Variants in PCDH17 observed in about 807,000 individuals in gnomAD.
The protein encoded by PCDH17 is protocadherin 17.
A neutral mutation model predicts 67.7 loss-of-function variants in PCDH17; 21 were observed. That is an observed-to-expected ratio of 0.31 (90% CI 0.22 to 0.45). The LOEUF is 0.45. Ranked by LOEUF, PCDH17 falls within the 20% of genes least tolerant of loss-of-function variation. The pLI, the probability that PCDH17 is intolerant of heterozygous loss-of-function variation, is 1.00. For missense variants in PCDH17, 1,471 were observed against 1,564.8 expected, an observed-to-expected ratio of 0.94 and a Z score of 1.01; for synonymous variants, 701 against 656.7, an observed-to-expected ratio of 1.07 and a Z score of -1.03.
intron 1 of PCDH17, among the ~76,000 whole-genome samples, chr13:57,653,929 A>G (rs1350575312): frequency 3.9e-5 from 6 of 152,192 alleles, no homozygotes; most frequent in Non-Finnish European, 5.9e-5. Context: ...CTAACACTGC[A>G]GTCCACTTAA....
At chr13:57,691,952 A>T (rs369462165) in intron 3 of PCDH17, among the ~76,000 whole-genome samples, 3 of 151,346 alleles carry the variant, frequency 2.0e-5, no homozygotes, top group African/African-American at 7.2e-5. Context: ...TTGAAATTAT[A>T]CTAGAGCTTA....
intron 1 of PCDH17, among the ~76,000 whole-genome samples, chr13:57,641,058 G>T (rs145592944): frequency 6.6e-6 from 1 of 152,040 alleles, no homozygotes; most frequent in Non-Finnish European, 1.5e-5. Flanking sequence ...ATATTAGTTA[G>T]AGAATAGCAT....
intron 1 of PCDH17, among the ~76,000 whole-genome samples, chr13:57,664,952 A>C (rs915464887): frequency 2.6e-5 from 4 of 152,194 alleles, no homozygotes; most frequent in African/African-American, 9.6e-5. Flanking sequence ...GCTTCACTGA[A>C]TCTAGAAATT....
chr13:57,673,730 T>G (rs1955353733), intron 3 of PCDH17, among the ~76,000 whole-genome samples: 1 of 152,002 alleles, frequency 6.6e-6, no homozygotes, highest in African/African-American at 2.4e-5. Flanking sequence ...ACTGTTGTTT[T>G]CACATAGATG....
intron 1 of PCDH17, among the ~76,000 whole-genome samples, chr13:57,657,289 T>G (rs941264621): frequency 2.6e-5 from 4 of 152,188 alleles, no homozygotes; most frequent in Admixed American, 2.0e-4. Flanking sequence ...GGAATGCTGG[T>G]TTTTGCTCAA....
At position 57,634,904 on chromosome 13, in the gene PCDH17, G is replaced by A; in HGVS notation, c.2358G>A (p.Val786=). 1.2e-6 allele frequency: 2 copies of A among 1,613,990 alleles called. No individual in the cohort carries two copies. The highest frequency in any genetic ancestry group is 1.7e-6 in the Non-Finnish European group (2 of 1,179,998). ...ACGCCATGAACGTCATGAACGTGGTGAGCAGCCCCTCCCTGGCCACCTCCC... is the reference window on the plus strand; with the variant it reads ...ACGCCATGAACGTCATGAACGTGGTAAGCAGCCCCTCCCTGGCCACCTCCC... ...ERNAMNVMNV[V]SSPSLATSPM... is the part of the protein sequence containing the mutation. The change falls in exon 1 of 4, where the codon GTG becomes GTA. Residue 786 remains valine, a synonymous_variant. Coordinates refer to ENST00000377918, the MANE Select transcript of PCDH17 (RefSeq NM_001040429.3). This position sits in a 1 kb window ranked among gnomAD's most constrained non-coding sequence, Gnocchi z 7.8.
chr13:57,713,790 TTTTTG>T (rs1020571346), intron 3 of PCDH17, among the ~76,000 whole-genome samples: 1 of 151,640 alleles, frequency 6.6e-6, no homozygotes, highest in African/African-American at 2.4e-5. Flanking sequence ...AGTTTTTACA[TTTTTG>T]TTATATAAGT....
intron 3 of PCDH17, among the ~76,000 whole-genome samples, chr13:57,674,243 C>T (rs1023629416): frequency 4.6e-5 from 7 of 151,932 alleles, no homozygotes; most frequent in Admixed American, 1.3e-4. Context: ...TTGTATCTTT[C>T]AAGTAAATAT....
chr13:57,676,363 A>G (rs183359445), intron 3 of PCDH17, among the ~76,000 whole-genome samples: 3 of 151,976 alleles, frequency 2.0e-5, no homozygotes, highest in Admixed American at 2.0e-4. Flanking sequence ...GCAGTTTACT[A>G]AGGTGGTGAA....
Position 57,727,444 on chromosome 13 carries a change from CTT to C in PCDH17, c.*2151_*2152del, listed in dbSNP as rs1955923641. On this transcript the variant is annotated 3_prime_UTR_variant, in exon 4 of 4. Coordinates refer to ENST00000377918, the MANE Select transcript of PCDH17 (RefSeq NM_001040429.3). ...GTTTTGTAATTTTAAACTTTAAAAA[CTT>C]CTACTGAAAATATTTCCGCCAAATG... 6.6e-6 allele frequency: 1 copy of C among 152,224 alleles called. No individual in the cohort carries two copies. Among genetic ancestry groups the C allele is most frequent in the East Asian group, 1.9e-4 (1 of 5,194 alleles). The allele number at this position is 152,224 out of a possible 1,614,324, so 9.4% of individuals were successfully genotyped here.
chr13:57,646,472 G>A (rs542617023), intron 1 of PCDH17, among the ~76,000 whole-genome samples: 1 of 151,658 alleles, frequency 6.6e-6, no homozygotes, highest in Admixed American at 6.6e-5. Context: ...GTACTTTTAA[G>A]CTATACTGAG....
chr13:57,676,309 T>C (rs913338201), intron 3 of PCDH17, among the ~76,000 whole-genome samples: 1 of 151,876 alleles, frequency 6.6e-6, no homozygotes. Context: ...TGATGTGTTA[T>C]TGTATCATAG....
intron 3 of PCDH17, among the ~76,000 whole-genome samples, chr13:57,716,626 A>G (rs1955818925): frequency 1.3e-5 from 2 of 151,908 alleles, no homozygotes; most frequent in African/African-American, 2.4e-5. Context: ...CTTGACGTTC[A>G]TATGACATAG....
In PCDH17 at chr13:57,709,631, T is replaced by C. The variant is rs544335111; in HGVS notation, c.2798-14981T>C. ...AGTTGGCCCTTTTTCCTACTTGGTTTTTTCTATTTGTTAACTAAAAATATT... is the reference window on the plus strand; with the variant it reads ...AGTTGGCCCTTTTTCCTACTTGGTTCTTTCTATTTGTTAACTAAAAATATT... On this transcript the variant is annotated intron_variant, in intron 3 of 3. Transcript: ENST00000377918. 5 of 152,356 alleles carry C rather than the reference T, an allele frequency of 3.3e-5. No individual in the cohort carries two copies. In the East Asian group the frequency reaches 9.7e-4, roughly 30 times the overall value. 9.4% of individuals were successfully genotyped at this position (152,356 alleles called of 1,614,324 possible).
At chr13:57,631,143 G>GA (rs372625786), upstream of PCDH17, among the ~76,000 whole-genome samples, 1,776 of 143,464 alleles carry the variant, frequency 0.012, 14 homozygotes, top group Non-Finnish European at 0.018. Context: ...AAAATTGAAG[G>GA]AAAAAAAAAA....
chr13:57,724,206 A>G (rs541874961), intron 3 of PCDH17, among the ~76,000 whole-genome samples: 1 of 152,332 alleles, frequency 6.6e-6, no homozygotes, highest in African/African-American at 2.4e-5. Context: ...TTTGCAATCC[A>G]GTTTTTGCCT....
intron 1 of PCDH17, among the ~76,000 whole-genome samples, chr13:57,638,754 A>G (rs532064400): frequency 1.3e-5 from 2 of 152,032 alleles, no homozygotes; most frequent in African/African-American, 2.4e-5. Context: ...GGACTAACGT[A>G]TCATAGTGTA....
At chr13:57,674,423 C>T (rs1336336827) in intron 3 of PCDH17, among the ~76,000 whole-genome samples, 1 of 151,814 alleles carries the variant, frequency 6.6e-6, no homozygotes. Context: ...ATCTCCTGGG[C>T]TCAAGTGATC....
chr13:57,633,026 C>G lies in PCDH17; in HGVS notation c.480C>G (p.Asp160Glu). 3 of 1,612,978 alleles carry G rather than the reference C, an allele frequency of 1.9e-6. No homozygotes were observed. The highest frequency in any genetic ancestry group is 2.5e-6 in the Non-Finnish European group (3 of 1,179,964). The change falls in exon 1 of 4, where the codon GAC becomes GAG. Residue 160 changes from aspartate to glutamate, a missense_variant. Asp to Glu is a conservative substitution (Grantham distance 45, BLOSUM62 2). Transcript: ENST00000377918. The surrounding 1 kb of genome is among the most constrained non-coding windows in gnomAD (Gnocchi z 6.2). ...RFPLTSAHDP[D>E]AGENGLRTYL... ...CCCTCACCAGCGCACATGACCCCGA[C>G]GCCGGCGAGAATGGGCTCCGCACCT...
Sources: gnomAD v4.1 joint callset for allele counts (sites outside exome capture counted in the v4.1 genomes callset) on GRCh38, gnomAD v4.1.1 for gene constraint, Gnocchi (gnomAD v3.1) non-coding constraint, MANE v1.5 for transcripts, NCBI Gene and HGNC (gene_info 2026-07-23, HGNC 2026-07-21) for gene names.